PIP5K1B: variants seen among roughly 807,000 people sequenced by gnomAD.
PIP5K1B encodes phosphatidylinositol-4-phosphate 5-kinase type 1 beta.
In PIP5K1B, 42 loss-of-function variants were observed where a neutral mutation model predicts 67.0. The ratio of observed to expected loss-of-function variants is 0.63; its 90% CI spans 0.49 to 0.81. The LOEUF is 0.81. Among genes scored for constraint, PIP5K1B ranks in the 30% least tolerant of loss-of-function variants. The pLI, the probability that PIP5K1B is intolerant of heterozygous loss-of-function variation, is 0.00. For synonymous variants in PIP5K1B, 214 were observed against 231.4 expected (o/e 0.92, Z 0.68); for missense variants, 459 against 646.3 (o/e 0.71, Z 3.14).
At chr9:68,832,152 C>T (rs573784213) in intron 4 of PIP5K1B, among the ~76,000 whole-genome samples, 5 of 152,266 alleles carry the variant, frequency 3.3e-5, no homozygotes, top group East Asian at 3.9e-4. Context: ...GGGCACTGTG[C>T]ATAACACTAG....
At chr9:68,981,307 A>C (rs1829870687) in intron 14 of PIP5K1B, among the ~76,000 whole-genome samples, 1 of 152,208 alleles carries the variant, frequency 6.6e-6, no homozygotes, top group Non-Finnish European at 1.5e-5. Flanking sequence ...ATGTTGGAAG[A>C]AGACACAGGG....
chr9:68,964,048 G>A (rs758438648), intron 14 of PIP5K1B: 1 of 152,204 alleles, frequency 6.6e-6, no homozygotes, highest in African/African-American at 2.4e-5. Context: ...CTGAGCACCT[G>A]TTATTCATAT....
intron 14 of PIP5K1B, among the ~76,000 whole-genome samples, chr9:68,950,259 C>T (rs1175529074): frequency 6.6e-6 from 1 of 152,166 alleles, no homozygotes; most frequent in East Asian, 1.9e-4. Flanking sequence ...TCCACTGACT[C>T]CCCCTCTTTG....
At chr9:68,765,029 G>A (rs1830363681) in intron 2 of PIP5K1B, among the ~76,000 whole-genome samples, 1 of 152,054 alleles carries the variant, frequency 6.6e-6, no homozygotes, top group East Asian at 1.9e-4. Flanking sequence ...CAACAAAAAT[G>A]CTTTGATGGA....
At chr9:68,890,870 C>T (rs1824747067) in intron 7 of PIP5K1B, among the ~76,000 whole-genome samples, 1 of 152,110 alleles carries the variant, frequency 6.6e-6, no homozygotes, top group South Asian at 2.1e-4. Context: ...TCTTAAAATT[C>T]CATAGTTCTG....
In PIP5K1B at chr9:68,705,519, C is replaced by T. The variant is rs1287590796; in HGVS notation, c.-486C>T. On this transcript the variant is annotated 5_prime_UTR_variant, in exon 1 of 16. Transcript: ENST00000265382. ...GCACACTCGTAGCCGCGCGCCCCCGCCAAGGCGCGTCCGGAGCGAGTTTGG... is the reference window on the plus strand; with the variant it reads ...GCACACTCGTAGCCGCGCGCCCCCGTCAAGGCGCGTCCGGAGCGAGTTTGG... The T allele has an allele frequency of 1.3e-5, 2 of 152,036 alleles. No homozygotes were observed. Among genetic ancestry groups the T allele is most frequent in the African/African-American group, 4.8e-5 (2 of 41,334 alleles). The allele number at this position is 152,036 out of a possible 1,614,324, so 9.4% of individuals were successfully genotyped here.
intron 2 of PIP5K1B, among the ~76,000 whole-genome samples, chr9:68,752,388 G>A (rs969485160): frequency 9.2e-5 from 14 of 152,144 alleles, no homozygotes; most frequent in African/African-American, 3.4e-4. Flanking sequence ...TTAGTGCAAG[G>A]GTAGGATATT....
At chr9:68,771,986 C>G (rs1342582856) in intron 2 of PIP5K1B, among the ~76,000 whole-genome samples, 1 of 152,124 alleles carries the variant, frequency 6.6e-6, no homozygotes, top group East Asian at 1.9e-4. Flanking sequence ...ACTTACTGGT[C>G]ATATTTAGCT....
intron 14 of PIP5K1B, among the ~76,000 whole-genome samples, chr9:68,975,542 G>A (rs935671873): frequency 4.3e-4 from 66 of 152,192 alleles, no homozygotes; most frequent in African/African-American, 1.4e-3. Flanking sequence ...AAGTCAGTGA[G>A]TCAGCCTATT....
intron 2 of PIP5K1B, among the ~76,000 whole-genome samples, chr9:68,790,154 A>G (rs1290403233): frequency 6.6e-6 from 1 of 152,216 alleles, no homozygotes; most frequent in African/African-American, 2.4e-5. Context: ...TCAAAGAAGG[A>G]TCATGCTTAC....
intron 4 of PIP5K1B, among the ~76,000 whole-genome samples, chr9:68,830,332 G>A (rs1401903767): frequency 3.4e-4 from 51 of 152,088 alleles, no homozygotes; most frequent in Non-Finnish European, 7.4e-5. Flanking sequence ...TCCTCACTAA[G>A]TACTAAAGCA....
chr9:68,939,960 G>T (rs1048819366), intron 13 of PIP5K1B, among the ~76,000 whole-genome samples: 5 of 152,156 alleles, frequency 3.3e-5, no homozygotes, highest in African/African-American at 1.2e-4. Context: ...ATGGGCAGGG[G>T]TTACTGCCCA....
intron 2 of PIP5K1B, among the ~76,000 whole-genome samples, chr9:68,746,378 T>C (rs1474974023): frequency 1.3e-5 from 2 of 152,166 alleles, no homozygotes; most frequent in East Asian, 3.8e-4. Context: ...CTTAGTTATA[T>C]GGCATGCACA....
At chr9:68,758,415 A>G (rs919190200) in intron 2 of PIP5K1B, among the ~76,000 whole-genome samples, 2 of 152,314 alleles carry the variant, frequency 1.3e-5, no homozygotes, top group South Asian at 4.1e-4. Context: ...AATACATGAT[A>G]TAAAGAAGAA....
At chr9:68,831,325 A>C (rs1460726745) in intron 4 of PIP5K1B, among the ~76,000 whole-genome samples, 1 of 152,266 alleles carries the variant, frequency 6.6e-6, no homozygotes. Context: ...TGCTTAGTGC[A>C]TGCCCGCTAT....
intron 8 of PIP5K1B, among the ~76,000 whole-genome samples, chr9:68,905,079 T>C (rs1253683388): frequency 2.0e-5 from 3 of 152,026 alleles, no homozygotes; most frequent in Non-Finnish European, 4.4e-5. Context: ...TCTGGCTTTT[T>C]TGTAAAAAGA....
intron 11 of PIP5K1B, among the ~76,000 whole-genome samples, chr9:68,921,604 T>C (rs1276051604): frequency 1.3e-5 from 2 of 151,854 alleles, no homozygotes; most frequent in Admixed American, 6.6e-5. Context: ...ACCCAACACT[T>C]TGGGGGGAGA....
At chr9:68,992,839 CAAAAAAAAAAAAAAAAAAA>C (rs201517701) in intron 15 of PIP5K1B, among the ~76,000 whole-genome samples, 30 of 57,554 alleles carry the variant, frequency 5.2e-4, no homozygotes, top group Admixed American at 9.9e-4. Context: ...GACCCTGTCT[CAAAAAAAAAAAAAAAAAAA>C]AAAAAAAAAA....
chr9:68,719,064 T>C (rs1406516730), intron 1 of PIP5K1B, among the ~76,000 whole-genome samples: 1 of 152,196 alleles, frequency 6.6e-6, no homozygotes, highest in Non-Finnish European at 1.5e-5. Flanking sequence ...CAAGCTTTAG[T>C]TCTTTCTTGT....
Sources: gnomAD v4.1 joint callset for allele counts (sites outside exome capture counted in the v4.1 genomes callset) on GRCh38, gnomAD v4.1.1 for gene constraint, MANE v1.5 for transcripts, NCBI Gene and HGNC (gene_info 2026-07-23, HGNC 2026-07-21) for gene names.